Variants in MROH9 observed in about 807,000 individuals in gnomAD.
MROH9 encodes maestro heat like repeat family member 9, also known as maestro heat-like repeat-containing protein family member 9.
A neutral mutation model predicts 98.2 loss-of-function variants in MROH9; 92 were observed. That is an observed-to-expected ratio of 0.94 (90% CI 0.79 to 1.11). The LOEUF is 1.11. MROH9 is among the 50% of genes most tolerant of loss of function. The pLI is 0.00. For missense variants in MROH9, 1,057 were observed against 1,014.8 expected, an observed-to-expected ratio of 1.04 and a Z score of -0.57; for synonymous variants, 397 against 368.9, an observed-to-expected ratio of 1.08 and a Z score of -0.87.
At chr1:170,995,858 A>G (rs1651547852) in intron 13 of MROH9, among the ~76,000 whole-genome samples, 1 of 152,098 alleles carries the variant, frequency 6.6e-6, no homozygotes, top group East Asian at 1.9e-4. Context: ...AGTCAGATAC[A>G]TTTTTGCTCT....
intron 20 of MROH9, among the ~76,000 whole-genome samples, chr1:171,059,944 A>C (rs1035973251): frequency 2.6e-5 from 4 of 152,116 alleles, no homozygotes; most frequent in Non-Finnish European, 5.9e-5. Flanking sequence ...TTTACTTAAA[A>C]TAAATGAAAG....
chr1:171,038,978 A>G (rs2101856200), intron 20 of MROH9, among the ~76,000 whole-genome samples: 1 of 152,258 alleles, frequency 6.6e-6, no homozygotes, highest in East Asian at 1.9e-4. Flanking sequence ...GCATTTCTGC[A>G]TGGTAGCAAC....
intron 1 of MROH9, among the ~76,000 whole-genome samples, chr1:170,942,372 C>T (rs1412770478): frequency 8.1e-5 from 1 of 12,302 alleles, no homozygotes; most frequent in African/African-American, 2.3e-4. Context: ...AGAGTAGACA[C>T]ACACACACAC....
chr1:171,060,560 C>T (rs879828820), intron 20 of MROH9, among the ~76,000 whole-genome samples: 5 of 152,122 alleles, frequency 3.3e-5, no homozygotes, highest in Non-Finnish European at 5.9e-5. Context: ...AAGGTCATGT[C>T]GTAGTGACAC....
intron 13 of MROH9, among the ~76,000 whole-genome samples, chr1:170,996,099 C>T (rs1053264591): frequency 1.3e-5 from 2 of 152,088 alleles, no homozygotes; most frequent in Non-Finnish European, 2.9e-5. Context: ...CTCAACCCAC[C>T]TGTCTACTAT....
At chr1:170,944,978 T>C (rs1649268504) in intron 1 of MROH9, among the ~76,000 whole-genome samples, 1 of 151,988 alleles carries the variant, frequency 6.6e-6, no homozygotes. Context: ...CAGTTATCTT[T>C]GAGTTAAAAG....
intron 3 of MROH9, among the ~76,000 whole-genome samples, chr1:170,956,399 C>T (rs1649758398): frequency 6.6e-6 from 1 of 151,962 alleles, no homozygotes; most frequent in African/African-American, 2.4e-5. Flanking sequence ...TTGTAGATTG[C>T]TTTTGGCAGT....
chr1:171,024,009 C>T (rs983622698), intron 17 of MROH9, among the ~76,000 whole-genome samples: 3 of 152,126 alleles, frequency 2.0e-5, no homozygotes, highest in Admixed American at 2.0e-4. Flanking sequence ...CAATATTTGT[C>T]TTTCTGTCCC....
intron 14 of MROH9, among the ~76,000 whole-genome samples, chr1:170,997,303 T>C (rs769399924): frequency 6.6e-6 from 1 of 152,136 alleles, no homozygotes; most frequent in Non-Finnish European, 1.5e-5. Context: ...CAGGAACACA[T>C]GCTGTGTTAA....
chr1:171,036,659 A>T lies in MROH9; in HGVS notation c.2281+11239A>T, dbSNP rs78106301. Among the ~76,000 whole-genome samples the T allele has an allele frequency of 6.9e-3, 1,048 of 152,032 alleles. 12 individuals are homozygous for T. Among genetic ancestry groups the T allele is most frequent in the African/African-American group, 0.024 (1,010 of 41,522 alleles). On this transcript the variant is annotated intron_variant, in intron 20 of 21. Transcript: ENST00000367759. ...TAATCCAAATGTCTGTCACAAGTAG[A>T]ATGGATAAATAATTTATGTATTGTC... is the stretch of plus-strand genomic sequence containing the variant.
rs750550050 is a variant in MROH9, at chr1:170,992,328, C to A, written c.1193C>A (p.Ala398Glu). Reference sequence around the variant, plus strand: ...GATATTACCAACTTGATGCCTTTGGCGGTAAATAACACGATGAGTGTTTCT... The same window carrying A: ...GATATTACCAACTTGATGCCTTTGGAGGTAAATAACACGATGAGTGTTTCT... ...SLDITNLMPL[A>E]ACQALCTFLP... Residue 398 changes from alanine (A) to glutamate (E), a missense_variant and splice_region_variant, in exon 12 of 22, where the codon GCG (alanine) becomes GAG (glutamate). Coordinates refer to ENST00000367759, the MANE Select transcript of MROH9 (RefSeq NM_001163629.2). 1.2e-6 allele frequency: 2 copies of A among 1,611,168 alleles called. No individual in the cohort carries two copies. The highest frequency in any genetic ancestry group is 3.4e-5 in the Admixed American group (2 of 59,506).
chr1:170,981,579 A>AG (rs1259252589), intron 8 of MROH9, among the ~76,000 whole-genome samples: 3 of 151,962 alleles, frequency 2.0e-5, no homozygotes, highest in Non-Finnish European at 4.4e-5. Context: ...GGACACAGAG[A>AG]GGGGAACAAC....
chr1:171,061,269 T>C (rs1434294551), intron 20 of MROH9, among the ~76,000 whole-genome samples: 14 of 152,166 alleles, frequency 9.2e-5, no homozygotes, highest in Non-Finnish European at 1.5e-4. Context: ...GTACTGTTTG[T>C]GGGAGTGAAA....
chr1:171,041,560 T>C (rs2101858943), intron 20 of MROH9, among the ~76,000 whole-genome samples: 4 of 151,658 alleles, frequency 2.6e-5, no homozygotes, highest in African/African-American at 9.6e-5. Flanking sequence ...TTGATACAAT[T>C]ATTTGTTTTT....
chr1:170,984,452 C>G (rs1407219719), intron 9 of MROH9, among the ~76,000 whole-genome samples: 1 of 152,194 alleles, frequency 6.6e-6, no homozygotes, highest in Admixed American at 6.5e-5. Context: ...CACCTCCTCT[C>G]AAAAATTTCA....
intron 8 of MROH9, among the ~76,000 whole-genome samples, chr1:170,974,181 G>A (rs1297745006): frequency 6.6e-6 from 1 of 152,130 alleles, no homozygotes; most frequent in Admixed American, 6.5e-5. Context: ...TCTAATATGA[G>A]TCTCTGAAGA....
intron 20 of MROH9, among the ~76,000 whole-genome samples, chr1:171,033,534 C>T (rs1652997936): frequency 6.6e-6 from 1 of 151,716 alleles, no homozygotes; most frequent in African/African-American, 2.4e-5. Context: ...GCTCTCAGGC[C>T]GGTCGCCACG....
chr1:171,002,976 T>C (rs1402908779), intron 15 of MROH9, among the ~76,000 whole-genome samples: 3 of 152,148 alleles, frequency 2.0e-5, no homozygotes, highest in Non-Finnish European at 2.9e-5. Flanking sequence ...TTTGTTGGAT[T>C]GGGTTAATTT....
chr1:170,946,913 A>C (rs909798452), intron 2 of MROH9, among the ~76,000 whole-genome samples: 1 of 152,028 alleles, frequency 6.6e-6, no homozygotes, highest in Non-Finnish European at 1.5e-5. Context: ...ATGAAGTTAT[A>C]ATTCAAACAA....
Sources: allele counts gnomAD v4.1 joint callset (sites outside exome capture counted in the v4.1 genomes callset), GRCh38; gene constraint gnomAD v4.1.1; transcripts MANE v1.5; gene names NCBI Gene and HGNC (gene_info 2026-07-23, HGNC 2026-07-21).